Variants in MGAT4C observed in about 807,000 individuals in gnomAD.
The protein encoded by MGAT4C is MGAT4 family member C.
In MGAT4C, 19 loss-of-function variants were observed where a neutral mutation model predicts 40.1. The ratio of observed to expected loss-of-function variants is 0.47; its 90% CI spans 0.33 to 0.70. MGAT4C has a LOEUF of 0.70. MGAT4C is among the 30% of genes least tolerant of loss of function. MGAT4C has a pLI of 0.02. For synonymous variants in MGAT4C, 181 were observed against 187.1 expected, an observed-to-expected ratio of 0.97 and a Z score of 0.27; for missense variants, 491 against 563.2, an observed-to-expected ratio of 0.87 and a Z score of 1.30.
intron 2 of MGAT4C, among the ~76,000 whole-genome samples, chr12:86,678,167 C>T (rs1489752261): frequency 6.6e-6 from 1 of 152,108 alleles, no homozygotes; most frequent in Non-Finnish European, 1.5e-5. Context: ...ATTTTCACCC[C>T]TCACCAAAGT....
At chr12:86,238,564 T>C (rs1220302443) in intron 1 of MGAT4C, among the ~76,000 whole-genome samples, 1 of 152,056 alleles carries the variant, frequency 6.6e-6, no homozygotes, top group African/African-American at 2.4e-5. Context: ...AACACAGATA[T>C]AGCTTCATAG....
At chr12:86,644,249 A>G (rs1963474327) in intron 2 of MGAT4C, among the ~76,000 whole-genome samples, 3 of 151,754 alleles carry the variant, frequency 2.0e-5, no homozygotes, top group African/African-American at 7.2e-5. Context: ...ATAAGAATAA[A>G]CTAAGAATCT....
intron 2 of MGAT4C, among the ~76,000 whole-genome samples, chr12:86,457,895 G>A (rs908854740): frequency 6.6e-6 from 1 of 151,736 alleles, no homozygotes; most frequent in Admixed American, 6.6e-5. Context: ...CTTCAGTATG[G>A]AATAATCCAT....
chr12:86,383,549 CAA>C (rs1159593477), intron 3 of MGAT4C, among the ~76,000 whole-genome samples: 52 of 49,848 alleles, frequency 1.0e-3, no homozygotes, highest in Admixed American at 2.1e-3. Context: ...CACTTCGTCT[CAA>C]AAAAAAAAAA....
intron 2 of MGAT4C, among the ~76,000 whole-genome samples, chr12:86,545,487 C>T (rs1959188342): frequency 6.6e-6 from 1 of 151,706 alleles, no homozygotes; most frequent in Non-Finnish European, 1.5e-5. Context: ...AAATATAGCA[C>T]ATATTTGATA....
intron 2 of MGAT4C, among the ~76,000 whole-genome samples, chr12:86,670,054 GA>G (rs140213435): frequency 4.7e-5 from 7 of 149,576 alleles, no homozygotes; most frequent in South Asian, 2.1e-4. Context: ...AAAAGAAAAA[GA>G]AAAAAAAACA....
At chr12:86,517,519 A>G (rs1958714492) in intron 2 of MGAT4C, among the ~76,000 whole-genome samples, 1 of 152,192 alleles carries the variant, frequency 6.6e-6, no homozygotes. Flanking sequence ...CTGGACTATG[A>G]AAGGTTTATT....
chr12:86,084,214 T>A (rs746842321), intron 1 of MGAT4C, among the ~76,000 whole-genome samples: 1 of 152,030 alleles, frequency 6.6e-6, no homozygotes, highest in East Asian at 1.9e-4. Context: ...TGGTGAGCAT[T>A]ATATAGAAAA....
At chr12:86,425,036 G>A (rs1392348923) in intron 3 of MGAT4C, among the ~76,000 whole-genome samples, 3 of 152,108 alleles carry the variant, frequency 2.0e-5, no homozygotes, top group South Asian at 2.1e-4. Context: ...GATAACAGCC[G>A]TGAGTCACTG....
chr12:86,062,124 G>A (rs1032852377), intron 1 of MGAT4C, among the ~76,000 whole-genome samples: 1 of 151,820 alleles, frequency 6.6e-6, no homozygotes, highest in Admixed American at 6.6e-5. Flanking sequence ...ATATAGTAGA[G>A]CTCTGGCTGG....
chr12:86,315,980 A>G (rs556073049), intron 4 of MGAT4C, among the ~76,000 whole-genome samples: 1 of 148,762 alleles, frequency 6.7e-6, no homozygotes, highest in South Asian at 2.2e-4. Context: ...CAGATCTATG[A>G]GTAAGTTAAA....
At chr12:86,580,183 AG>A (rs1380155159) in intron 2 of MGAT4C, among the ~76,000 whole-genome samples, 1 of 151,356 alleles carries the variant, frequency 6.6e-6, no homozygotes, top group African/African-American at 2.4e-5. Context: ...TAATATCTCC[AG>A]TGTAATTTCT....
intron 1 of MGAT4C, among the ~76,000 whole-genome samples, chr12:86,214,859 C>T (rs532002106): frequency 4.5e-4 from 68 of 152,260 alleles, no homozygotes; most frequent in African/African-American, 3.1e-4. Flanking sequence ...AACAAACATA[C>T]GCAATGGACA....
chr12:86,091,931 C>A (rs1248349948), intron 1 of MGAT4C, among the ~76,000 whole-genome samples: 1 of 152,090 alleles, frequency 6.6e-6, no homozygotes, highest in Admixed American at 6.6e-5. Flanking sequence ...CCCAAAGGCA[C>A]TAAGGCATGC....
At chr12:86,303,014 T>G (rs1009486688) in intron 4 of MGAT4C, among the ~76,000 whole-genome samples, 1 of 150,730 alleles carries the variant, frequency 6.6e-6, no homozygotes, top group Admixed American at 6.6e-5. Context: ...TTCCACCAGC[T>G]CAGAATAGAA....
chr12:86,524,499 C>T (rs1409257262), intron 2 of MGAT4C, among the ~76,000 whole-genome samples: 2 of 152,124 alleles, frequency 1.3e-5, no homozygotes, highest in Non-Finnish European at 2.9e-5. Flanking sequence ...GCCTTGAACA[C>T]TTTTTCTTTC....
chr12:86,404,019 T>C (rs1956418066), intron 3 of MGAT4C, among the ~76,000 whole-genome samples: 1 of 152,124 alleles, frequency 6.6e-6, no homozygotes, highest in Non-Finnish European at 1.5e-5. Flanking sequence ...TAATGAAGAC[T>C]GTACATTAAA....
At chr12:86,516,079 AT>A (rs985938029) in intron 2 of MGAT4C, among the ~76,000 whole-genome samples, 56 of 151,028 alleles carry the variant, frequency 3.7e-4, no homozygotes, top group African/African-American at 1.4e-3. Context: ...CCTAGCCAAC[AT>A]TTTTTTTTCC....
intron 1 of MGAT4C, among the ~76,000 whole-genome samples, chr12:86,056,061 A>G (rs570515861): frequency 6.6e-6 from 1 of 152,248 alleles, no homozygotes; most frequent in African/African-American, 2.4e-5. Flanking sequence ...AACAAGTTAA[A>G]AAAAATTATT....
Sources: gnomAD v4.1 joint callset for allele counts (sites outside exome capture counted in the v4.1 genomes callset) on GRCh38, gnomAD v4.1.1 for gene constraint, MANE v1.5 for transcripts, NCBI Gene and HGNC (gene_info 2026-07-23, HGNC 2026-07-21) for gene names.